The following ZNF486 variants were observed in gnomAD, a reference collection of about 807,000 sequenced individuals.
ZNF486 encodes the protein zinc finger protein 486.
In ZNF486, 12 loss-of-function variants were observed where a neutral mutation model predicts 12.8. That is an observed-to-expected ratio of 0.94 (90% CI 0.60 to 1.52). The LOEUF is 1.52. ZNF486 is among the 40% of genes most tolerant of loss of function. The pLI is 0.00. For synonymous variants in ZNF486, 231 were observed against 184.9 expected (o/e 1.25, Z -2.02); for missense variants, 738 against 545.0 (o/e 1.35, Z -3.53).
chr19:20,182,550 AC>A (rs1487937945), intron 1 of ZNF486, among the ~76,000 whole-genome samples: 1 of 152,152 alleles, frequency 6.6e-6, no homozygotes, highest in African/African-American at 2.4e-5. Flanking sequence ...GTTAAGTTCC[AC>A]CTTTGCACTA....
intron 3 of ZNF486, among the ~76,000 whole-genome samples, chr19:20,187,897 T>C (rs1304079906): frequency 6.6e-6 from 1 of 151,972 alleles, no homozygotes; most frequent in East Asian, 1.9e-4. Flanking sequence ...GGAGAGGGGG[T>C]GTAGCTTGGT....
chr19:20,196,415 G>A (rs533285256), intron 3 of ZNF486, among the ~76,000 whole-genome samples: 12 of 152,270 alleles, frequency 7.9e-5, no homozygotes, highest in African/African-American at 1.4e-4. Flanking sequence ...TGCAACCTCC[G>A]TCTCCTGGGT....
Position 20,197,424 on chromosome 19 carries a change from C to G in ZNF486, c.714C>G (p.Tyr238Ter). Residue 238 changes from tyrosine (Y) to a stop codon, truncating the protein, a stop_gained, in exon 4 of 4, where the codon TAC becomes TAG. Coordinates refer to ENST00000335117, the MANE Select transcript of ZNF486 (RefSeq NM_052852.4). LOFTEE classifies it low-confidence loss of function (END_TRUNC). ...HKITHTREKP[Y>*]KCEECGKVFK... The stretch of plus-strand genomic sequence containing the variant: ...TAACTCATACTAGAGAGAAACCCTA[C>G]AAATGTGAAGAATGTGGCAAAGTCT... 6.2e-7 allele frequency: 1 copy of G among 1,613,738 alleles called. No individual in the cohort carries two copies. The highest frequency in any genetic ancestry group is 8.5e-7 in the Non-Finnish European group (1 of 1,179,864).
chr19:20,186,015 C>G lies in ZNF486; in HGVS notation c.186C>G (p.Ile62Met). ...LGIIVSKPDL[I>M]TCLEQGIKPL... Reference sequence around the variant, plus strand: ...TTATTGTCTCTAAGCCAGACCTGATCACCTGTCTGGAGCAAGGAATAAAAC... The same window carrying G: ...TTATTGTCTCTAAGCCAGACCTGATGACCTGTCTGGAGCAAGGAATAAAAC... Residue 62 changes from isoleucine to methionine, a missense_variant, in exon 3 of 4, where the codon ATC becomes ATG. By Grantham distance (10) the Ile-to-Met change is conservative. Coordinates refer to ENST00000335117, the MANE Select transcript of ZNF486 (RefSeq NM_052852.4). 6.3e-7 allele frequency: 1 copy of G among 1,587,224 alleles called. No homozygotes were observed. Among genetic ancestry groups the G allele is most frequent in the South Asian group, 1.2e-5 (1 of 86,066 alleles).
At chr19:20,192,411 T>C (rs1395958703) in intron 3 of ZNF486, among the ~76,000 whole-genome samples, 1 of 151,956 alleles carries the variant, frequency 6.6e-6, no homozygotes, top group Non-Finnish European at 1.5e-5. Context: ...GTTCAAGTGA[T>C]TCTTCTTTGT....
chr19:20,182,856 T>G (rs184847050), intron 1 of ZNF486, among the ~76,000 whole-genome samples: 38 of 152,216 alleles, frequency 2.5e-4, no homozygotes, highest in African/African-American at 8.7e-4. Context: ...GCAGGTGTAA[T>G]TTTTCCAGAG....
chr19:20,174,108 G>C (rs113440334), intron 1 of ZNF486, among the ~76,000 whole-genome samples: 15 of 152,132 alleles, frequency 9.9e-5, no homozygotes, highest in Admixed American at 2.6e-4. Flanking sequence ...CAGAAGCTTA[G>C]CACAAAGATA....
rs528132907 is a variant in ZNF486, at chr19:20,191,852, G to A, written c.254-5112G>A. On this transcript the variant is annotated intron_variant, in intron 3 of 3. Coordinates refer to ENST00000335117, the MANE Select transcript of ZNF486 (RefSeq NM_052852.4). ...AAAATAATATGGTCTATAATGTTGCGTAAGTTGTCTGTTTCTCATTTTTTC... is the reference window on the plus strand; with the variant it reads ...AAAATAATATGGTCTATAATGTTGCATAAGTTGTCTGTTTCTCATTTTTTC... 1.8e-4 allele frequency among the ~76,000 whole-genome samples: 27 copies of A among 152,218 alleles called. No individual in the cohort carries two copies. The South Asian group carries it at 5.2e-3, about 29-fold the overall frequency.
chr19:20,173,848 C>A (rs1219934272), intron 1 of ZNF486, among the ~76,000 whole-genome samples: 4 of 151,360 alleles, frequency 2.6e-5, no homozygotes, highest in Admixed American at 2.0e-4. Context: ...AAAAAAACTT[C>A]CAAAAAAATT....
At chr19:20,188,432 C>A (rs1002921109) in intron 3 of ZNF486, 11 of 398,148 alleles carry the variant, frequency 2.8e-5, no homozygotes, top group Middle Eastern at 6.2e-4. Flanking sequence ...ATCTGTAATC[C>A]CAGGATTTTG....
In ZNF486 at chr19:20,197,941, T is replaced by C. The variant is rs1555718362; in HGVS notation, c.1231T>C (p.Cys411Arg). 6.2e-6 allele frequency: 10 copies of C among 1,613,754 alleles called. No individual in the cohort carries two copies. In the South Asian group the frequency reaches 9.9e-5, roughly 16 times the overall value. The change falls in exon 4 of 4, where the codon TGT becomes CGT. Residue 411 changes from cysteine (C) to arginine (R), a missense_variant. By Grantham distance (180) the Cys-to-Arg change is radical. Transcript: ENST00000335117. ...AGAGAAACCCTACAAATGTGAAGAA[T>C]GTGGCAAAGCGTATACTACATCCTC... ...TGEKPYKCEE[C>R]GKAYTTSSNL... is the part of the protein sequence containing the mutation.
rs2089984241 is a variant in ZNF486, at chr19:20,198,574, G to C, written c.*472G>C. On this transcript the variant is annotated 3_prime_UTR_variant, in exon 4 of 4. Coordinates refer to ENST00000335117, the MANE Select transcript of ZNF486 (RefSeq NM_052852.4). ...TTTCACTCTTGTGACCCGGGCTGTA[G>C]TGCAATGGCATGATCTTGGCTTACT... is the stretch of plus-strand genomic sequence containing the variant. 6.0e-6 allele frequency: 1 copy of C among 167,656 alleles called. No homozygotes were observed. Among genetic ancestry groups the C allele is most frequent in the Non-Finnish European group, 1.3e-5 (1 of 76,506 alleles). 10.4% of individuals were successfully genotyped at this position (167,656 alleles called of 1,614,324 possible).
intron 1 of ZNF486, among the ~76,000 whole-genome samples, chr19:20,180,402 C>G (rs551418065): frequency 6.6e-6 from 1 of 152,064 alleles, no homozygotes; most frequent in Non-Finnish European, 1.5e-5. Flanking sequence ...TTCCTACAGT[C>G]CAGAAACTTT....
At chr19:20,177,362 T>C (rs1186143149) in intron 1 of ZNF486, among the ~76,000 whole-genome samples, 4 of 152,242 alleles carry the variant, frequency 2.6e-5, no homozygotes, top group Non-Finnish European at 4.4e-5. Flanking sequence ...ACTCCTGTTA[T>C]GAAGATGTGA....
Position 20,198,746 on chromosome 19 carries a change from T to G in ZNF486, c.*644T>G, listed in dbSNP as rs2089985900. 1 of 152,766 alleles carries G rather than the reference T, an allele frequency of 6.5e-6. No individual in the cohort carries two copies. Among genetic ancestry groups the G allele is most frequent in the African/African-American group, 2.4e-5 (1 of 41,430 alleles). The allele number at this position is 152,766 out of a possible 1,614,324, so 9.5% of individuals were successfully genotyped here. The stretch of plus-strand genomic sequence containing the variant: ...CATATTTGCCAGGCTGGTCTCAAAC[T>G]CCTGACCTCAGGTGATCCACTCGCC... On this transcript the variant is annotated 3_prime_UTR_variant, in exon 4 of 4. Coordinates refer to ENST00000335117, the MANE Select transcript of ZNF486 (RefSeq NM_052852.4).
Position 20,188,153 on chromosome 19 carries a change from T to C in ZNF486, c.253+2071T>C, listed in dbSNP as rs182670293. Among the ~76,000 whole-genome samples the C allele has an allele frequency of 8.5e-4, 129 of 152,292 alleles. 1 individual carries two copies. The highest frequency in any genetic ancestry group is 1.4e-3 in the Non-Finnish European group (97 of 68,034). On this transcript the variant is annotated intron_variant, in intron 3 of 3. Transcript: ENST00000335117. Reference sequence around the variant, plus strand: ...ATTCCCTCAGATAACTGTGGGTTTCTATATAGGCAGAACTGACCATAAACT... The same window carrying C: ...ATTCCCTCAGATAACTGTGGGTTTCCATATAGGCAGAACTGACCATAAACT...
intron 3 of ZNF486, among the ~76,000 whole-genome samples, chr19:20,195,469 GTTCAA>G (rs1490898192): frequency 6.6e-6 from 1 of 152,066 alleles, no homozygotes; most frequent in Non-Finnish European, 1.5e-5. Context: ...ACAGTGGGAT[GTTCAA>G]TTCATTTGGA....
intron 3 of ZNF486, chr19:20,188,499 G>C (rs1163299090): frequency 1.0e-5 from 4 of 398,290 alleles, no homozygotes; most frequent in Non-Finnish European, 1.8e-5. Flanking sequence ...GCCTGGGAAA[G>C]ATATGGAGAC....
At chr19:20,189,071 G>A (rs991485009) in intron 3 of ZNF486, among the ~76,000 whole-genome samples, 34 of 152,104 alleles carry the variant, frequency 2.2e-4, no homozygotes, top group Non-Finnish European at 4.1e-4. Flanking sequence ...TCCAGGTCCT[G>A]TGTTGCTTTT....
Sources: gnomAD v4.1 joint callset for allele counts (sites outside exome capture counted in the v4.1 genomes callset) on GRCh38, gnomAD v4.1.1 for gene constraint, MANE v1.5 for transcripts, NCBI Gene and HGNC (gene_info 2026-07-23, HGNC 2026-07-21) for gene names.